The following STIM1 variants were observed in gnomAD, a reference collection of about 807,000 sequenced individuals.
The protein encoded by STIM1 is stromal interaction molecule 1.
STIM1 carries 25 observed loss-of-function variants against 74.7 expected under a neutral mutation model. The ratio of observed to expected loss-of-function variants is 0.33; its 90% confidence interval spans 0.24 to 0.47. The LOEUF is 0.47. Among genes scored for constraint, STIM1 ranks in the 20% least tolerant of loss-of-function variants. STIM1 has a pLI of 1.00. For synonymous variants in STIM1, 328 were observed against 348.8 expected (o/e 0.94, Z 0.66); for missense variants, 728 against 920.8 (o/e 0.79, Z 2.71).
At chr11:4,081,749 A>G (rs1221240895) in intron 7 of STIM1, among the ~76,000 whole-genome samples, 1 of 152,232 alleles carries the variant, frequency 6.6e-6, no homozygotes, top group Non-Finnish European at 1.5e-5. Context: ...GCGACAGACC[A>G]GGGACCAGAA....
intron 2 of STIM1, among the ~76,000 whole-genome samples, chr11:3,997,723 G>A (rs1400300609): frequency 6.6e-6 from 1 of 152,174 alleles, no homozygotes; most frequent in Non-Finnish European, 1.5e-5. Context: ...ATTGGGAATT[G>A]GGAATTCATT....
chr11:4,080,791 C>T (rs1183081235), intron 7 of STIM1, among the ~76,000 whole-genome samples: 1 of 152,158 alleles, frequency 6.6e-6, no homozygotes, highest in Non-Finnish European at 1.5e-5. Context: ...GCCTTGTAGG[C>T]CTGCCCCTTT....
chr11:4,035,176 G>A (rs2094087913), intron 3 of STIM1, among the ~76,000 whole-genome samples: 1 of 150,884 alleles, frequency 6.6e-6, no homozygotes, highest in African/African-American at 2.4e-5. Context: ...ACCAGTATGA[G>A]ACCTTTCTTC....
chr11:4,051,320 A>C (rs1486085909), intron 3 of STIM1, among the ~76,000 whole-genome samples: 1 of 151,782 alleles, frequency 6.6e-6, no homozygotes, highest in Non-Finnish European at 1.5e-5. Context: ...TAAATATAGA[A>C]TCAAAACACT....
At chr11:4,012,813 G>A (rs1209203676) in intron 2 of STIM1, among the ~76,000 whole-genome samples, 3 of 152,194 alleles carry the variant, frequency 2.0e-5, no homozygotes, top group African/African-American at 7.2e-5. Context: ...AGTTTTCAAA[G>A]GGTATGTTTC....
chr11:4,066,739 AC>A (rs998478107), intron 5 of STIM1, among the ~76,000 whole-genome samples: 4 of 152,180 alleles, frequency 2.6e-5, no homozygotes, highest in Admixed American at 6.5e-5. Flanking sequence ...TAAAGAGATA[AC>A]CTATGTTTAC....
chr11:4,000,095 G>A (rs1273021421), intron 2 of STIM1, among the ~76,000 whole-genome samples: 1 of 152,090 alleles, frequency 6.6e-6, no homozygotes, highest in African/African-American at 2.4e-5. Context: ...CTTGAACTGG[G>A]TGGAGCCCAC....
intron 1 of STIM1, among the ~76,000 whole-genome samples, chr11:3,883,556 T>G (rs1030290276): frequency 6.6e-6 from 1 of 152,184 alleles, no homozygotes; most frequent in Non-Finnish European, 1.5e-5. Context: ...TTTTACCATG[T>G]TGGTCAGGCT....
intron 1 of STIM1, among the ~76,000 whole-genome samples, chr11:3,861,700 A>G (rs1212458723): frequency 6.6e-6 from 1 of 152,204 alleles, no homozygotes; most frequent in Non-Finnish European, 1.5e-5. Flanking sequence ...ATTGAAGGAA[A>G]TGCTAACTTT....
chr11:4,082,108 A>G (rs2094468417), intron 7 of STIM1, 76 bp from the exon 8 acceptor site: 9 of 1,445,846 alleles, frequency 6.2e-6, no homozygotes, highest in African/African-American at 1.4e-5. Flanking sequence ...AAGAAGTCTG[A>G]GTTCTGAAGC....
chr11:3,891,847 A>C (rs1313426722), intron 1 of STIM1, among the ~76,000 whole-genome samples: 1 of 152,218 alleles, frequency 6.6e-6, no homozygotes, highest in African/African-American at 2.4e-5. Flanking sequence ...CCAGAGAGTG[A>C]ATATTTTAGG....
At chr11:3,864,086 G>C (rs1565094190) in intron 1 of STIM1, among the ~76,000 whole-genome samples, 2 of 151,904 alleles carry the variant, frequency 1.3e-5, no homozygotes, top group Non-Finnish European at 2.9e-5. Flanking sequence ...GCCAAACCAG[G>C]CTTTTATTCA....
rs185539797 is a variant in STIM1 at position 4,082,165 on chromosome 11, C to T, written c.970-19C>T. The T allele has an allele frequency of 2.5e-5, 40 of 1,613,860 alleles. No homozygotes were observed. The highest frequency in any genetic ancestry group is 6.7e-5 in the Admixed American group (4 of 59,996). On this transcript the variant is annotated intron_variant, in intron 7 of 12. Transcript: ENST00000526596. Reference sequence around the variant, plus strand: ...GTCTTAGTAGCAGTAAATGAACTCACATCCTTTTGGCTGCCTAGGTTCGGG... The same window carrying T: ...GTCTTAGTAGCAGTAAATGAACTCATATCCTTTTGGCTGCCTAGGTTCGGG...
intron 1 of STIM1, chr11:3,892,786 T>C: frequency 6.2e-7 from 1 of 1,613,278 alleles, no homozygotes; most frequent in Non-Finnish European, 8.5e-7. Context: ...CACGAAAGTT[T>C]TCTGCTGTCT....
intron 2 of STIM1, among the ~76,000 whole-genome samples, chr11:4,001,415 G>T (rs894825317): frequency 9.9e-5 from 15 of 152,192 alleles, no homozygotes; most frequent in Non-Finnish European, 2.2e-4. Flanking sequence ...AGCCAGAAGA[G>T]AGTGGGGACC....
intron 1 of STIM1, among the ~76,000 whole-genome samples, chr11:3,902,612 A>G (rs1160139926): frequency 1.3e-5 from 2 of 152,176 alleles, no homozygotes; most frequent in African/African-American, 4.8e-5. Flanking sequence ...TCAGGCAGTA[A>G]TGCTCGCTTG....
rs552398327 is a variant in STIM1, at chr11:3,984,358, T to C, written c.270+16676T>C. On this transcript the variant is annotated intron_variant, in intron 2 of 12. Transcript: ENST00000526596. ...TTGTCTCCTACTTCATGGAACATTC[T>C]GACCCCCTGCTCTTAATTCAGGCAA... Among the ~76,000 whole-genome samples the C allele has an allele frequency of 4.6e-5, 7 of 152,350 alleles. No individual in the cohort carries two copies. In the South Asian group the frequency reaches 1.4e-3, roughly 32 times the overall value.
At chr11:4,039,995 C>T (rs1306494567) in intron 3 of STIM1, among the ~76,000 whole-genome samples, 1 of 152,112 alleles carries the variant, frequency 6.6e-6, no homozygotes, top group South Asian at 2.1e-4. Context: ...TCTTGAACTC[C>T]TGACCTCATG....
At chr11:3,864,461 T>G (rs1331004366) in intron 1 of STIM1, among the ~76,000 whole-genome samples, 1 of 152,214 alleles carries the variant, frequency 6.6e-6, no homozygotes, top group Admixed American at 6.5e-5. Flanking sequence ...TTTAAGCTAA[T>G]TCACATGGTT....
Sources: allele counts gnomAD v4.1 joint callset (sites outside exome capture counted in the v4.1 genomes callset), GRCh38; gene constraint gnomAD v4.1.1; transcripts MANE v1.5; gene names NCBI Gene and HGNC (gene_info 2026-07-23, HGNC 2026-07-21).